Variants in ANKS1B observed in about 807,000 individuals in gnomAD.
ANKS1B encodes ankyrin repeat and sterile alpha motif domain containing 1B.
ANKS1B carries 36 observed loss-of-function variants against 148.3 expected under a neutral mutation model. That is an observed-to-expected ratio of 0.24 (90% CI 0.19 to 0.32). The LOEUF (loss-of-function observed/expected upper bound fraction) is 0.32, where lower values mean the gene tolerates loss of function less well. ANKS1B is among the 10% of genes least tolerant of loss of function. ANKS1B has a pLI of 1.00. For missense variants in ANKS1B, 1,157 were observed against 1,542.6 expected (o/e 0.75, Z 4.19); for synonymous variants, 542 against 560.8 (o/e 0.97, Z 0.47).
At chr12:99,861,722 A>G (rs2153718609) in intron 1 of ANKS1B, among the ~76,000 whole-genome samples, 1 of 152,292 alleles carries the variant, frequency 6.6e-6, no homozygotes, top group South Asian at 2.1e-4. Flanking sequence ...TCGCATGCAA[A>G]CAATTTTGGT....
intron 10 of ANKS1B, among the ~76,000 whole-genome samples, chr12:99,464,387 C>A (rs2096058413): frequency 6.6e-6 from 1 of 152,328 alleles, no homozygotes; most frequent in East Asian, 1.9e-4. Flanking sequence ...CAGAGCACCT[C>A]TCCTCCTCCA....
At chr12:99,885,111 T>C (rs2092752177) in intron 1 of ANKS1B, among the ~76,000 whole-genome samples, 1 of 152,048 alleles carries the variant, frequency 6.6e-6, no homozygotes. Flanking sequence ...GATCCTGCCT[T>C]TTCACATTCT....
chr12:99,116,268 T>C (rs1008230520), intron 15 of ANKS1B, among the ~76,000 whole-genome samples: 1 of 152,186 alleles, frequency 6.6e-6, no homozygotes, highest in African/African-American at 2.4e-5. Context: ...TGCTACCTTG[T>C]TTGGGTCTTC....
chr12:99,534,705 C>CTTTTTT (rs2097044977), intron 9 of ANKS1B, among the ~76,000 whole-genome samples: 1 of 140,276 alleles, frequency 7.1e-6, no homozygotes, highest in South Asian at 2.2e-4. Flanking sequence ...TTTCTTTTTT[C>CTTTTTT]TTTTCTTTTT....
At chr12:98,819,904 C>A (rs1173544004) in intron 19 of ANKS1B, among the ~76,000 whole-genome samples, 1 of 152,118 alleles carries the variant, frequency 6.6e-6, no homozygotes, top group African/African-American at 2.4e-5. Flanking sequence ...GAAAGGAGGT[C>A]ATATCATTTC....
chr12:99,770,104 A>T (rs2063049123), intron 8 of ANKS1B, among the ~76,000 whole-genome samples: 1 of 152,232 alleles, frequency 6.6e-6, no homozygotes, highest in Admixed American at 6.5e-5. Flanking sequence ...ACACTGGCTC[A>T]GAGTTTGAAT....
chr12:99,836,489 T>C (rs553918111), intron 1 of ANKS1B, among the ~76,000 whole-genome samples: 2 of 152,284 alleles, frequency 1.3e-5, no homozygotes, highest in South Asian at 2.1e-4. Context: ...TCTCAATACA[T>C]GTATTTTTAC....
intron 17 of ANKS1B, among the ~76,000 whole-genome samples, chr12:98,860,069 GTT>G (rs1208788851): frequency 6.6e-6 from 1 of 152,186 alleles, no homozygotes. Flanking sequence ...GGCTACTCAC[GTT>G]TTCTCTCGTT....
chr12:98,918,504 A>C (rs920961080), intron 17 of ANKS1B, among the ~76,000 whole-genome samples: 1 of 152,220 alleles, frequency 6.6e-6, no homozygotes, highest in East Asian at 1.9e-4. Flanking sequence ...CTAATGTTAG[A>C]TCATTCTCAT....
At chr12:99,677,902 G>T (rs1379900962) in intron 8 of ANKS1B, among the ~76,000 whole-genome samples, 2 of 152,216 alleles carry the variant, frequency 1.3e-5, no homozygotes, top group Non-Finnish European at 2.9e-5. Flanking sequence ...GAATGTGGGA[G>T]GTGGCGGTTG....
At chr12:99,403,702 T>C (rs1318536029) in intron 11 of ANKS1B, among the ~76,000 whole-genome samples, 2 of 145,456 alleles carry the variant, frequency 1.4e-5, no homozygotes, top group Admixed American at 6.9e-5. Context: ...ACACTGTTGA[T>C]GGGAGTTTAA....
chr12:99,292,780 G>A (rs1602496321), intron 12 of ANKS1B, among the ~76,000 whole-genome samples: 1 of 152,148 alleles, frequency 6.6e-6, no homozygotes, highest in East Asian at 1.9e-4. Flanking sequence ...TCAGAGAAAT[G>A]CAAATCAAAA....
chr12:99,502,631 G>A (rs567017452), intron 10 of ANKS1B, among the ~76,000 whole-genome samples: 13 of 152,098 alleles, frequency 8.5e-5, no homozygotes, highest in Admixed American at 2.6e-4. Flanking sequence ...ATGTAACCTT[G>A]GGAGGCCAGC....
At chr12:99,922,175 A>C (rs2094373888) in intron 1 of ANKS1B, among the ~76,000 whole-genome samples, 2 of 152,150 alleles carry the variant, frequency 1.3e-5, no homozygotes, top group Admixed American at 6.5e-5. Context: ...CACATAGCAA[A>C]ATCTAAATAA....
chr12:99,883,284 T>C (rs2092632809), intron 1 of ANKS1B, among the ~76,000 whole-genome samples: 1 of 152,124 alleles, frequency 6.6e-6, no homozygotes, highest in African/African-American at 2.4e-5. Context: ...TCAATGGAGA[T>C]ATGATAGTTT....
chr12:99,184,971 A>G (rs2079620031), intron 14 of ANKS1B, among the ~76,000 whole-genome samples: 1 of 152,248 alleles, frequency 6.6e-6, no homozygotes, highest in Non-Finnish European at 1.5e-5. Context: ...TATATATTGG[A>G]TAATTAAAGA....
At chr12:99,029,201 T>C (rs1158240628) in intron 17 of ANKS1B, among the ~76,000 whole-genome samples, 1 of 152,232 alleles carries the variant, frequency 6.6e-6, no homozygotes, top group Non-Finnish European at 1.5e-5. Context: ...AGTAGGATGC[T>C]GTATACTGAT....
chr12:99,099,181 C>T (rs944784070), intron 15 of ANKS1B, among the ~76,000 whole-genome samples: 2 of 152,198 alleles, frequency 1.3e-5, no homozygotes, highest in African/African-American at 4.8e-5. Context: ...ACCCATGGCA[C>T]CTTGGGGCCG....
At chr12:99,480,422 A>AT (rs1460710193) in intron 10 of ANKS1B, among the ~76,000 whole-genome samples, 1 of 151,904 alleles carries the variant, frequency 6.6e-6, no homozygotes, top group African/African-American at 2.4e-5. Context: ...AAAAATCTGG[A>AT]TTTTTGATCT....
Sources: allele counts gnomAD v4.1 joint callset (sites outside exome capture counted in the v4.1 genomes callset), GRCh38; gene constraint gnomAD v4.1.1; transcripts MANE v1.5; gene names NCBI Gene and HGNC (gene_info 2026-07-23, HGNC 2026-07-21).